The following ACCSL variants were observed in gnomAD, a reference collection of about 807,000 sequenced individuals.
ACCSL encodes the protein probable inactive 1-aminocyclopropane-1-carboxylate synthase-like protein 2.
In ACCSL, 55 loss-of-function variants were observed where a neutral mutation model predicts 61.7. That is an observed-to-expected ratio of 0.89 (90% confidence interval 0.72 to 1.12). The LOEUF is 1.12. Ranked by LOEUF, ACCSL falls within the 50% of genes most tolerant of loss-of-function variation. The pLI, the probability that ACCSL is intolerant of heterozygous loss-of-function variation, is 0.00. For synonymous variants in ACCSL, 258 were observed against 264.3 expected (o/e 0.98, Z 0.23); for missense variants, 632 against 698.0 (o/e 0.91, Z 1.07).
chr11:44,041,330 C>G, the ACCSL span, among the ~76,000 whole-genome samples: 2 of 152,198 alleles, frequency 1.3e-5, no homozygotes, highest in Non-Finnish European at 2.9e-5. Context: ...AATGGGTCAG[C>G]TAGGTAGTCA....
At chr11:44,015,307 G>A in the ACCSL span, among the ~76,000 whole-genome samples, 293 of 152,306 alleles carry the variant, frequency 1.9e-3, no homozygotes, top group African/African-American at 6.7e-3. Flanking sequence ...GGAAACTGAG[G>A]CTGGGAGGGT....
the ACCSL span, among the ~76,000 whole-genome samples, chr11:44,028,025 G>T: frequency 6.6e-6 from 1 of 151,996 alleles, no homozygotes; most frequent in African/African-American, 2.4e-5. Context: ...AAAATTATCT[G>T]GGCATGGTAG....
chr11:44,048,338 C>T lies in ACCSL; in HGVS notation c.302C>T (p.Ser101Phe). The T allele has an allele frequency of 6.2e-7, 1 of 1,614,080 alleles. No individual in the cohort carries two copies. The highest frequency in any genetic ancestry group is 8.5e-7 in the Non-Finnish European group (1 of 1,180,014). Reference sequence around the variant, plus strand: ...CAAGTGCCTCTTCCTTCTGAGGACTCTAGGGGTGATGTCAGATATGGGCAG... The same window carrying T: ...CAAGTGCCTCTTCCTTCTGAGGACTTTAGGGGTGATGTCAGATATGGGCAG... Reference protein sequence around the residue: ...ELQVPLPSEDSRGDVRYGQRA... With the variant: ...ELQVPLPSEDFRGDVRYGQRA... Residue 101 changes from serine to phenylalanine, a missense_variant, in exon 1 of 14, where the codon TCT becomes TTT. By Grantham distance (155) the Ser-to-Phe change is radical. Coordinates refer to ENST00000378832, the MANE Select transcript of ACCSL (RefSeq NM_001031854.2).
At chr11:44,016,894 A>G in the ACCSL span, among the ~76,000 whole-genome samples, 56,559 of 152,054 alleles carry the variant, frequency 0.37, 11,122 homozygotes, top group Admixed American at 0.41. Flanking sequence ...TAGTTTCTCT[A>G]CTTATAAAAT....
At chr11:44,037,426 C>T in the ACCSL span, among the ~76,000 whole-genome samples, 2 of 152,238 alleles carry the variant, frequency 1.3e-5, no homozygotes, top group East Asian at 1.9e-4. Flanking sequence ...AGGTCACGCA[C>T]GCGCGGATGG....
chr11:43,983,842 G>C, the ACCSL span, among the ~76,000 whole-genome samples: 1 of 152,092 alleles, frequency 6.6e-6, no homozygotes, highest in Admixed American at 6.6e-5. Context: ...CAGGCCGGGC[G>C]CTGTGGCTCA....
At chr11:43,963,707 C>T in the ACCSL span, among the ~76,000 whole-genome samples, 1 of 152,194 alleles carries the variant, frequency 6.6e-6, no homozygotes, top group Non-Finnish European at 1.5e-5. Context: ...TTCCTGTGAT[C>T]CCCCATGCGA....
chr11:43,960,284 C>T, the ACCSL span, among the ~76,000 whole-genome samples: 1 of 152,206 alleles, frequency 6.6e-6, no homozygotes, highest in African/African-American at 2.4e-5. Flanking sequence ...GTCCACTGAA[C>T]TTGTTTTGGG....
the ACCSL span, among the ~76,000 whole-genome samples, chr11:43,968,348 A>G: frequency 6.9e-6 from 1 of 145,038 alleles, no homozygotes; most frequent in East Asian, 2.0e-4. Context: ...ACGACCCCAC[A>G]CCCACACAGC....
chr11:43,973,410 ATATC>A, the ACCSL span, among the ~76,000 whole-genome samples: 44,559 of 148,738 alleles, frequency 0.3, 6,730 homozygotes, highest in East Asian at 0.35. Flanking sequence ...TGGTTTTGAG[ATATC>A]TATCTATCTA....
chr11:44,030,082 TTTA>T, the ACCSL span, among the ~76,000 whole-genome samples: 1 of 134,810 alleles, frequency 7.4e-6, no homozygotes, highest in African/African-American at 2.8e-5. Context: ...TTTTTTTTTT[TTTA>T]GTATAAAGGG....
chr11:43,943,431 C>T, the ACCSL span: 1 of 1,443,970 alleles, frequency 6.9e-7, no homozygotes. The surrounding 1 kb of genome is among the most constrained non-coding windows in gnomAD (Gnocchi z 4.8). Context: ...GCGAACCGGT[C>T]GGTGCGCCCC....
the ACCSL span, among the ~76,000 whole-genome samples, chr11:43,993,499 G>A: frequency 0.28 from 42,807 of 151,940 alleles, 6,608 homozygotes; most frequent in South Asian, 0.35. Flanking sequence ...CCAAGGCCCC[G>A]GCACCATCTA....
Position 44,053,513 on chromosome 11 carries a change from G to C in ACCSL, c.1049+7G>C. ...ACCTGGAATTTGCCAAGAGGTATGA[G>C]TTCTACCCCTTGAGACTAGGTAATG... On this transcript the variant is annotated splice_region_variant and intron_variant, in intron 8 of 13. Transcript: ENST00000378832. The C allele has an allele frequency of 6.2e-7, 1 of 1,606,094 alleles. No individual in the cohort carries two copies. The highest frequency in any genetic ancestry group is 1.3e-5 in the African/African-American group (1 of 74,850).
chr11:44,039,580 CAA>C, the ACCSL span, among the ~76,000 whole-genome samples: 6 of 151,996 alleles, frequency 3.9e-5, no homozygotes, highest in Non-Finnish European at 1.5e-5. Context: ...ATGGGTGCAC[CAA>C]AGTCTCACAA....
At chr11:43,947,923 G>A in the ACCSL span, among the ~76,000 whole-genome samples, 56 of 152,298 alleles carry the variant, frequency 3.7e-4, no homozygotes, top group Non-Finnish European at 4.7e-4. Flanking sequence ...CTGCCCAGCT[G>A]GCTGGATTTA....
At chr11:44,002,836 C>T in the ACCSL span, among the ~76,000 whole-genome samples, 1 of 152,054 alleles carries the variant, frequency 6.6e-6, no homozygotes, top group Admixed American at 6.6e-5. Flanking sequence ...AGCAAAAGCC[C>T]CTGGCAAGGC....
the ACCSL span, among the ~76,000 whole-genome samples, chr11:43,924,876 G>C: frequency 6.6e-6 from 1 of 152,244 alleles, no homozygotes; most frequent in African/African-American, 2.4e-5. Context: ...ATTCCATGGG[G>C]CCGTTCAAAT....
chr11:43,974,813 C>T, the ACCSL span, among the ~76,000 whole-genome samples: 1 of 152,210 alleles, frequency 6.6e-6, no homozygotes, highest in African/African-American at 2.4e-5. Flanking sequence ...CCACCCCAGA[C>T]AAGCCTTTGG....
Sources: allele counts gnomAD v4.1 joint callset (sites outside exome capture counted in the v4.1 genomes callset), GRCh38; gene constraint gnomAD v4.1.1; non-coding constraint Gnocchi (gnomAD v3.1); transcripts MANE v1.5; gene names NCBI Gene and HGNC (gene_info 2026-07-23, HGNC 2026-07-21).